PHC2: variants seen among roughly 807,000 people sequenced by gnomAD.
PHC2 encodes the protein polyhomeotic-like protein 2.
Under a neutral mutation model 87.4 loss-of-function variants are expected in PHC2, and 29 were observed. That is an observed-to-expected ratio of 0.33 (90% CI 0.25 to 0.45). The LOEUF (loss-of-function observed/expected upper bound fraction) is 0.45. Ranked by LOEUF, PHC2 falls within the 20% of genes least tolerant of loss-of-function variation. PHC2 has a pLI of 1.00. For missense variants in PHC2, 857 were observed against 1,136.7 expected, an observed-to-expected ratio of 0.75 and a Z score of 3.54; for synonymous variants, 438 against 461.7, an observed-to-expected ratio of 0.95 and a Z score of 0.66.
At chr1:33,406,138 T>C (rs1169176186) in intron 1 of PHC2, among the ~76,000 whole-genome samples, 2 of 152,208 alleles carry the variant, frequency 1.3e-5, no homozygotes, top group Non-Finnish European at 2.9e-5. Flanking sequence ...CTTAGAGTTG[T>C]GGAATTTTTG....
At chr1:33,376,407 T>G (rs906461245) in intron 1 of PHC2, among the ~76,000 whole-genome samples, 2 of 152,200 alleles carry the variant, frequency 1.3e-5, no homozygotes, top group Non-Finnish European at 1.5e-5. Flanking sequence ...TAGGTGAGAT[T>G]TGAGATCAGG....
intron 1 of PHC2, among the ~76,000 whole-genome samples, chr1:33,429,807 A>G (rs1650824149): frequency 6.6e-6 from 1 of 152,238 alleles, no homozygotes; most frequent in South Asian, 2.1e-4. Context: ...TGCAAAATCA[A>G]ATTGGTTTCT....
chr1:33,405,015 T>C (rs1021529236), intron 1 of PHC2, among the ~76,000 whole-genome samples: 1 of 152,162 alleles, frequency 6.6e-6, no homozygotes, highest in African/African-American at 2.4e-5. Context: ...ATGAATTAGA[T>C]GAGACAGGGC....
At chr1:33,416,626 A>C (rs1570514727) in intron 1 of PHC2, among the ~76,000 whole-genome samples, 1 of 151,376 alleles carries the variant, frequency 6.6e-6, no homozygotes, top group Non-Finnish European at 1.5e-5. Context: ...ATTTCTTCTC[A>C]TAAACTATGC....
At chr1:33,406,785 GCTTCTTTAAT>G (rs754394587) in intron 1 of PHC2, among the ~76,000 whole-genome samples, 43 of 152,206 alleles carry the variant, frequency 2.8e-4, no homozygotes, top group Admixed American at 1.0e-3. Flanking sequence ...AATTTATTAG[GCTTCTTTAAT>G]CTGTGGATTG....
At chr1:33,394,475 T>C (rs998119445) in intron 1 of PHC2, among the ~76,000 whole-genome samples, 2 of 152,230 alleles carry the variant, frequency 1.3e-5, no homozygotes, top group African/African-American at 4.8e-5. Flanking sequence ...CAGCAGTGCA[T>C]GCTGGAAACA....
At chr1:33,419,686 T>C (rs1247915681) in intron 1 of PHC2, among the ~76,000 whole-genome samples, 1 of 152,332 alleles carries the variant, frequency 6.6e-6, no homozygotes, top group Admixed American at 6.5e-5. Context: ...CTCAGCTCAC[T>C]GCAAGCTCCA....
chr1:33,406,426 G>A (rs747811561), intron 1 of PHC2, among the ~76,000 whole-genome samples: 61 of 152,040 alleles, frequency 4.0e-4, no homozygotes, highest in Non-Finnish European at 7.9e-4. Flanking sequence ...TGTGTGTGGC[G>A]GGGGGTGCAG....
At chr1:33,377,590 G>T (rs1210931898) in intron 1 of PHC2, among the ~76,000 whole-genome samples, 3 of 151,788 alleles carry the variant, frequency 2.0e-5, no homozygotes, top group Non-Finnish European at 4.4e-5. Flanking sequence ...TCTGTGTAGA[G>T]GCTGTTCCTT....
intron 6 of PHC2, among the ~76,000 whole-genome samples, chr1:33,367,936 T>A (rs1391198163): frequency 1.3e-5 from 2 of 152,168 alleles, no homozygotes; most frequent in Non-Finnish European, 2.9e-5. Context: ...CTCAGCCCGG[T>A]CCCTGGCGCC....
At chr1:33,408,669 G>A (rs1184032550) in intron 1 of PHC2, among the ~76,000 whole-genome samples, 31 of 152,134 alleles carry the variant, frequency 2.0e-4, no homozygotes, top group Admixed American at 2.0e-3. Flanking sequence ...GTTTCACCAT[G>A]TTGGCCAGGC....
chr1:33,332,432 G>A lies in PHC2; in HGVS notation c.1762-28C>T, dbSNP rs1294297654. The A allele has an allele frequency of 6.2e-7, 1 of 1,613,924 alleles. No individual in the cohort carries two copies. Among genetic ancestry groups the A allele is most frequent in the Non-Finnish European group, 8.5e-7 (1 of 1,179,892 alleles). ...AGAGGACAGGTAACACGGAGGCCGTGAGGGTCAGGTGGGAGCGGCTTCCTT... is the reference window on the plus strand; with the variant it reads ...AGAGGACAGGTAACACGGAGGCCGTAAGGGTCAGGTGGGAGCGGCTTCCTT... On this transcript the variant is annotated intron_variant, in intron 10 of 14. Coordinates refer to ENST00000683057, the MANE Select transcript of PHC2 (RefSeq NM_001385109.1). The surrounding 1 kb of genome is among the most constrained non-coding windows in gnomAD (Gnocchi z 4.2).
chr1:33,363,663 C>G, intron 7 of PHC2: 1 of 806,624 alleles, frequency 1.2e-6, no homozygotes, highest in African/African-American at 1.9e-5. Flanking sequence ...TGAAAGGGCC[C>G]TGGCTTTTCA....
rs1646584082 is a variant in PHC2 at position 33,334,612 on chromosome 1, C to A, written c.1559-320G>T. Among the ~76,000 whole-genome samples, 3 of 152,196 alleles carry A rather than the reference C, an allele frequency of 2.0e-5. No individual in the cohort carries two copies. The highest frequency in any genetic ancestry group is 6.5e-5 in the Admixed American group (1 of 15,280). The stretch of plus-strand genomic sequence containing the variant: ...GAATTCTATCTTTGAGGAGTTAAGA[C>A]CTTGGTCGATACTGATTTGAACAAA... On this transcript the variant is annotated intron_variant, in intron 9 of 14. Transcript: ENST00000683057. The surrounding 1 kb of genome is among the most constrained non-coding windows in gnomAD (Gnocchi z 5.5).
chr1:33,428,067 T>C (rs78824050), intron 1 of PHC2, among the ~76,000 whole-genome samples: 1 of 152,334 alleles, frequency 6.6e-6, no homozygotes, highest in East Asian at 1.9e-4. Context: ...AGGTACTAAA[T>C]GACTGCTATA....
At chr1:33,357,822 A>C (rs1161475898) in intron 7 of PHC2, among the ~76,000 whole-genome samples, 1 of 152,236 alleles carries the variant, frequency 6.6e-6, no homozygotes, top group Non-Finnish European at 1.5e-5. Flanking sequence ...TGGGCATGTC[A>C]CTGCAAATGC....
intron 1 of PHC2, among the ~76,000 whole-genome samples, chr1:33,379,818 C>G (rs988988182): frequency 6.7e-6 from 1 of 148,854 alleles, no homozygotes; most frequent in South Asian, 2.2e-4. Flanking sequence ...CTCCCCTACT[C>G]GACCTTCTTG....
intron 2 of PHC2, among the ~76,000 whole-genome samples, chr1:33,374,294 C>T (rs1219057771): frequency 6.6e-6 from 1 of 152,128 alleles, no homozygotes; most frequent in Non-Finnish European, 1.5e-5. Flanking sequence ...ACCCCAGACC[C>T]CCTTTTGCCT....
chr1:33,334,265 A>C lies in PHC2; in HGVS notation c.1586T>G (p.Leu529Arg). The stretch of plus-strand genomic sequence containing the variant: ...CATGCCGGGGCTGCTGAGGTCGGTC[A>C]GTGCATGAACAATGCCCTGCCCTGT... ...HETGQGIVHA[L>R]TDLSSPGMTS... Residue 529 changes from leucine to arginine, a missense_variant, in exon 10 of 15, where the codon CTG (leucine) becomes CGG (arginine). This residue lies in a region of PHC2 where 832 missense variants were observed against 1,081.8 expected (regional missense o/e 0.77). Transcript: ENST00000683057. This position sits in a 1 kb window ranked among gnomAD's most constrained non-coding sequence, Gnocchi z 5.5. 1 of 1,612,170 alleles carries C rather than the reference A, an allele frequency of 6.2e-7. No homozygotes were observed. The highest frequency in any genetic ancestry group is 8.5e-7 in the Non-Finnish European group (1 of 1,179,482).
Sources: gnomAD v4.1 joint callset for allele counts (sites outside exome capture counted in the v4.1 genomes callset) on GRCh38, gnomAD v4.1.1 for gene constraint, gnomAD v4.1.1 regional missense constraint, Gnocchi (gnomAD v3.1) non-coding constraint, MANE v1.5 for transcripts, NCBI Gene and HGNC (gene_info 2026-07-23, HGNC 2026-07-21) for gene names.